SLC5A2: variants seen among roughly 807,000 people sequenced by gnomAD.
SLC5A2 encodes solute carrier family 5 member 2.
Under a neutral mutation model 69.0 loss-of-function variants are expected in SLC5A2, and 67 were observed. That is an observed-to-expected ratio of 0.97 (90% CI 0.80 to 1.19). The LOEUF (loss-of-function observed/expected upper bound fraction) is 1.19, where lower values mean the gene tolerates loss of function less well. Among genes scored for constraint, SLC5A2 ranks in the 50% most tolerant of loss-of-function variants. The probability of loss-of-function intolerance (pLI) is 0.00; values close to 1 mark genes in which losing one functional copy is unlikely to be tolerated. For missense variants in SLC5A2, 1,001 were observed against 921.5 expected (o/e 1.09, Z -1.12); for synonymous variants, 455 against 395.8 (o/e 1.15, Z -1.78).
chr16:31,489,442 G>A (rs2082539588), intron 12 of SLC5A2, 104 bp downstream of exon 12: 3 of 1,045,684 alleles, frequency 2.9e-6, no homozygotes, highest in Admixed American at 4.0e-5. Flanking sequence ...ACTGAGGGTT[G>A]GGAATGGGCT....
rs773617530 is a variant in SLC5A2 at position 31,485,719 on chromosome 16, C to G, written c.304-10C>G. The G allele has an allele frequency of 6.2e-7, 1 of 1,612,270 alleles. No individual in the cohort carries two copies. The highest frequency in any genetic ancestry group is 1.3e-5 in the African/African-American group (1 of 75,048). On this transcript the variant is annotated splice_polypyrimidine_tract_variant and intron_variant, in intron 3 of 13. Coordinates refer to ENST00000330498, the MANE Select transcript of SLC5A2 (RefSeq NM_003041.4). ...AAAGCCACCCTCAGCGGCAGTACTG[C>G]CCCCCGTAGGCGCTCTTCGTGGTGC... is the stretch of plus-strand genomic sequence containing the variant.
intron 3 of SLC5A2, 128 bp from the exon 4 acceptor site, chr16:31,485,601 A>C: frequency 8.8e-7 from 1 of 1,131,974 alleles, no homozygotes; most frequent in Non-Finnish European, 1.3e-6. Flanking sequence ...CATCACCTGC[A>C]GTTGTCCTCT....
At chr16:31,487,906 G>T (rs1196511360) in intron 7 of SLC5A2, 132 bp from the exon 8 acceptor site, 4 of 1,441,214 alleles carry the variant, frequency 2.8e-6, no homozygotes, top group South Asian at 1.2e-5. Flanking sequence ...CAGACAGAAG[G>T]CTCCATCTAC....
rs1596617941 is a variant in SLC5A2, at chr16:31,485,843, C to A, written c.418C>A (p.Leu140Ile). The change falls in exon 4 of 14, where the codon CTC becomes ATC. Residue 140 changes from leucine (L) to isoleucine (I), a missense_variant. By Grantham distance (5) the Leu-to-Ile change is conservative. Coordinates refer to ENST00000330498, the MANE Select transcript of SLC5A2 (RefSeq NM_003041.4). ...GCGCTTCGGCGGCCGCCGCATCCGC[C>A]TCTACCTGTCTGTGCTCTCCCTTTT... is the stretch of plus-strand genomic sequence containing the variant. ...RKRFGGRRIR[L>I]YLSVLSLFLY... 1 of 1,613,602 alleles carries A rather than the reference C, an allele frequency of 6.2e-7. No homozygotes were observed. Among genetic ancestry groups the A allele is most frequent in the Non-Finnish European group, 8.5e-7 (1 of 1,180,038 alleles).
At chr16:31,483,952 G>GTGGT (rs1678265486) in intron 1 of SLC5A2, among the ~76,000 whole-genome samples, 1 of 152,016 alleles carries the variant, frequency 6.6e-6, no homozygotes, top group Non-Finnish European at 1.5e-5. Context: ...GTCAGGCATG[G>GTGGT]TGGTGTGTGT....
chr16:31,487,615 C>A lies in SLC5A2; in HGVS notation c.741C>A (p.Ala247=). Residue 247 remains alanine (A), a synonymous_variant, in exon 7 of 14, where the codon GCC becomes GCA. Coordinates refer to ENST00000330498, the MANE Select transcript of SLC5A2 (RefSeq NM_003041.4). ...ATSLTVSEDP[A]VGNISSFCYR... is the part of the protein sequence containing the mutation. The stretch of plus-strand genomic sequence containing the variant: ...CGCTGACGGTGTCCGAGGATCCAGC[C>A]GTGGGAAACATCTCCAGCTTCTGCT... 1 of 1,614,000 alleles carries A rather than the reference C, an allele frequency of 6.2e-7. No homozygotes were observed. Among genetic ancestry groups the A allele is most frequent in the Non-Finnish European group, 8.5e-7 (1 of 1,180,012 alleles).
At chr16:31,483,914 GA>G (rs894279604) in intron 1 of SLC5A2, among the ~76,000 whole-genome samples, 1 of 149,626 alleles carries the variant, frequency 6.7e-6, no homozygotes, top group Non-Finnish European at 1.5e-5. Flanking sequence ...AAAGAAAAAA[GA>G]AAAAAAAAGA....
In SLC5A2 at chr16:31,490,592, C is replaced by A. The variant is rs1274086021; in HGVS notation, c.*57C>A. ...CCTCACAGGAAGTGGGGGTGAGGAG[C>A]CTGCGGTGCTCCCCAGAAAAGGGGA... On this transcript the variant is annotated 3_prime_UTR_variant, in exon 14 of 14. Coordinates refer to ENST00000330498, the MANE Select transcript of SLC5A2 (RefSeq NM_003041.4). 4 of 1,422,292 alleles carry A rather than the reference C, an allele frequency of 2.8e-6. No individual in the cohort carries two copies. Among genetic ancestry groups the A allele is most frequent in the East Asian group, 4.7e-5 (2 of 42,266 alleles). The allele number at this position is 1,422,292 out of a possible 1,614,324, so 88.1% of individuals were successfully genotyped here. A position where few individuals can be genotyped will look rare whatever the true frequency, so the allele number is the denominator to read the frequency against.
chr16:31,489,190 T>C lies in SLC5A2; in HGVS notation c.1517T>C (p.Phe506Ser), dbSNP rs770311812. ...GCACGCCTGATTCCCGAGTTCTCCT[T>C]CGGCTCGGGCAGCTGTGTGCAGCCC... ...GLARLIPEFS[F>S]GSGSCVQPSA... Residue 506 changes from phenylalanine (F) to serine (S), a missense_variant, in exon 12 of 14, where the codon TTC (phenylalanine) becomes TCC (serine). Coordinates refer to ENST00000330498, the MANE Select transcript of SLC5A2 (RefSeq NM_003041.4). 1.2e-6 allele frequency: 2 copies of C among 1,610,354 alleles called. No individual in the cohort carries two copies. The highest frequency in any genetic ancestry group is 1.7e-6 in the Non-Finnish European group (2 of 1,180,012).
Position 31,490,378 on chromosome 16 carries a change from G to C in SLC5A2, c.1862G>C (p.Gly621Ala), listed in dbSNP as rs777035063. 3.7e-6 allele frequency: 6 copies of C among 1,613,286 alleles called. No individual in the cohort carries two copies. Among genetic ancestry groups the C allele is most frequent in the Non-Finnish European group, 5.1e-6 (6 of 1,179,744 alleles). ...LLWFCGMSRG[G>A]VGSPPPLTQE... Reference sequence around the variant, plus strand: ...TGGTTTTGTGGAATGAGCAGAGGTGGGGTGGGCAGTCCTCCGCCCCTTACC... The same window carrying C: ...TGGTTTTGTGGAATGAGCAGAGGTGCGGTGGGCAGTCCTCCGCCCCTTACC... The change falls in exon 14 of 14, where the codon GGG becomes GCG. Residue 621 changes from glycine to alanine, a missense_variant. By Grantham distance (60) the Gly-to-Ala change is moderately conservative. Transcript: ENST00000330498.
Position 31,490,152 on chromosome 16 carries a change from G to A in SLC5A2, c.1714G>A (p.Asp572Asn). ...SLRHSKEERE[D>N]LDADEQQGSS... is the part of the protein sequence containing the mutation. ...CCGGCATAGCAAGGAGGAACGGGAG[G>A]ACCTGGATGCTGATGAGCAGCAAGG... Residue 572 changes from aspartate to asparagine, a missense_variant, in exon 13 of 14, where the codon GAC becomes AAC. Asp to Asn is a conservative substitution (Grantham distance 23). Transcript: ENST00000330498. 1 of 1,614,156 alleles carries A rather than the reference G, an allele frequency of 6.2e-7. No homozygotes were observed. Among genetic ancestry groups the A allele is most frequent in the Non-Finnish European group, 8.5e-7 (1 of 1,180,038 alleles).
chr16:31,489,598 AAC>A, intron 12 of SLC5A2: 1 of 579,308 alleles, frequency 1.7e-6, no homozygotes, highest in Non-Finnish European at 3.1e-6. Context: ...TGGGACTCAA[AAC>A]ACAGGATCTG....
At position 31,487,522 on chromosome 16, in the gene SLC5A2, C is replaced by T. The variant is rs751342373; in HGVS notation, c.656-8C>T. Reference sequence around the variant, plus strand: ...TAAGGAGGGTCCCCTGACGGCCTTGCCCGGCAGCCTTCCACGAGGTGGGCG... The same window carrying T: ...TAAGGAGGGTCCCCTGACGGCCTTGTCCGGCAGCCTTCCACGAGGTGGGCG... On this transcript the variant is annotated splice_polypyrimidine_tract_variant and splice_region_variant and intron_variant, in intron 6 of 13. Coordinates refer to ENST00000330498, the MANE Select transcript of SLC5A2 (RefSeq NM_003041.4). The T allele has an allele frequency of 6.2e-7, 1 of 1,613,454 alleles. No individual in the cohort carries two copies. Among genetic ancestry groups the T allele is most frequent in the Non-Finnish European group, 8.5e-7 (1 of 1,179,852 alleles).
chr16:31,489,995 T>C (rs2082547043), intron 12 of SLC5A2, 109 bp from the exon 13 acceptor site: 1 of 1,453,162 alleles, frequency 6.9e-7, no homozygotes, highest in Non-Finnish European at 9.5e-7. Flanking sequence ...GTGTGTAGAC[T>C]GGACAGAGGT....
chr16:31,487,793 G>C (rs770175118), intron 7 of SLC5A2, 34 bp downstream of exon 7: 10 of 1,571,106 alleles, frequency 6.4e-6, no homozygotes, highest in Non-Finnish European at 8.6e-6. Flanking sequence ...CAGTGAGGCC[G>C]GGGCGGAGCC....
chr16:31,488,721 ACACGCGCCTGCGGC>A lies in SLC5A2; in HGVS notation c.1238_1251del (p.Leu413ArgfsTer44). 1.2e-6 allele frequency: 2 copies of A among 1,611,926 alleles called. No homozygotes were observed. The highest frequency in any genetic ancestry group is 1.7e-6 in the Non-Finnish European group (2 of 1,179,170). ...AGCACGCTCTTCACCATGGACATCT[ACACGCGCCTGCGGC>A]CACGCGCCGGCGACCGCGAGCTGCT... On this transcript the variant is annotated frameshift_variant, in exon 10 of 14. Transcript: ENST00000330498. LOFTEE classifies it high-confidence loss of function.
rs778378562 is a variant in SLC5A2 at position 31,484,890 on chromosome 16, A to G, written c.270A>G (p.Ala90=). Residue 90 remains alanine, a synonymous_variant, in exon 3 of 14, where the codon GCA becomes GCG. Transcript: ENST00000330498. ...HFVGLAGTGA[A]SGLAVAGFEW... ...TGGGCCTGGCAGGGACTGGCGCTGC[A>G]AGTGGCTTGGCTGTTGCTGGATTCG... 1.2e-6 allele frequency: 2 copies of G among 1,614,062 alleles called. No individual in the cohort carries two copies. The highest frequency in any genetic ancestry group is 4.5e-5 in the East Asian group (2 of 44,896).
chr16:31,484,597 G>C, intron 1 of SLC5A2, 76 bp from the exon 2 acceptor site: 2 of 1,457,546 alleles, frequency 1.4e-6, no homozygotes, highest in Non-Finnish European at 1.9e-6. Context: ...AAACAAGGCT[G>C]AGGAATGTGT....
At position 31,489,055 on chromosome 16, in the gene SLC5A2, G is replaced by C. The variant is rs376512787; in HGVS notation, c.1449+7G>C. The C allele has an allele frequency of 3.1e-6, 5 of 1,601,348 alleles. No homozygotes were observed. In the East Asian group the frequency reaches 6.7e-5, roughly 21 times the overall value. Reference sequence around the variant, plus strand: ...GCCGCGCGTTAATGAGCAGGTGAGCGGCACGCGCGTGGTGACGGCAGGGCT... The same window carrying C: ...GCCGCGCGTTAATGAGCAGGTGAGCCGCACGCGCGTGGTGACGGCAGGGCT... On this transcript the variant is annotated splice_region_variant and intron_variant, in intron 11 of 13. Coordinates refer to ENST00000330498, the MANE Select transcript of SLC5A2 (RefSeq NM_003041.4).
Sources: gnomAD v4.1 joint callset for allele counts (sites outside exome capture counted in the v4.1 genomes callset) on GRCh38, gnomAD v4.1.1 for gene constraint, MANE v1.5 for transcripts, NCBI Gene and HGNC (gene_info 2026-07-23, HGNC 2026-07-21) for gene names.